The following DOCK5 variants were observed in gnomAD, a reference collection of about 807,000 sequenced individuals.
The protein encoded by DOCK5 is dedicator of cytokinesis 5, also known as dedicator of cytokinesis protein 5.
Under a neutral mutation model 251.8 loss-of-function variants are expected in DOCK5, and 142 were observed. That is an observed-to-expected ratio of 0.56 (90% CI 0.49 to 0.65). The LOEUF is 0.65. DOCK5 is among the 30% of genes least tolerant of loss of function. The pLI, the probability that DOCK5 is intolerant of heterozygous loss-of-function variation, is 0.00. For synonymous variants in DOCK5, 842 were observed against 835.5 expected (o/e 1.01, Z -0.13); for missense variants, 2,111 against 2,312.3 (o/e 0.91, Z 1.79).
At chr8:25,379,166 G>A (rs1174838501) in intron 38 of DOCK5, among the ~76,000 whole-genome samples, 1 of 152,162 alleles carries the variant, frequency 6.6e-6, no homozygotes, top group Non-Finnish European at 1.5e-5. Context: ...AGAAAACAAG[G>A]TTTGAGAGCA....
At position 25,395,573 on chromosome 8, in the gene DOCK5, G is replaced by A. The variant is rs200100381; in HGVS notation, c.4558G>A (p.Glu1520Lys). The A allele has an allele frequency of 3.1e-6, 5 of 1,613,160 alleles. No individual in the cohort carries two copies. The highest frequency in any genetic ancestry group is 1.7e-5 in the Admixed American group (1 of 59,788). The change falls in exon 45 of 52, where the codon GAA becomes AAA. Residue 1520 changes from glutamate to lysine, a missense_variant. By Grantham distance (56) the Glu-to-Lys change is moderately conservative. Coordinates refer to ENST00000276440, the MANE Select transcript of DOCK5 (RefSeq NM_024940.8). ...GATCAGTCCTCTGGAGAATGCCATC[G>A]AAACCATGGAGCTGACCAACGAGAG... is the stretch of plus-strand genomic sequence containing the variant. ...EEISPLENAI[E>K]TMELTNERIS...
At chr8:25,312,077 T>C (rs1002032711) in intron 13 of DOCK5, among the ~76,000 whole-genome samples, 2 of 152,210 alleles carry the variant, frequency 1.3e-5, no homozygotes, top group Admixed American at 1.3e-4. Flanking sequence ...AAAAATGTTA[T>C]AAAATGGAGA....
At chr8:25,361,729 G>T (rs781533426) in intron 28 of DOCK5, among the ~76,000 whole-genome samples, 1 of 152,138 alleles carries the variant, frequency 6.6e-6, no homozygotes, top group Non-Finnish European at 1.5e-5. Context: ...ATAAAACCAG[G>T]GGAGAATCCA....
At chr8:25,322,089 T>A (rs900034765) in intron 16 of DOCK5, among the ~76,000 whole-genome samples, 6 of 152,232 alleles carry the variant, frequency 3.9e-5, no homozygotes, top group African/African-American at 1.4e-4. Flanking sequence ...CTTATTCTCA[T>A]TTCGCACTGC....
intron 45 of DOCK5, among the ~76,000 whole-genome samples, chr8:25,398,389 T>G (rs1415669762): frequency 6.6e-6 from 1 of 152,254 alleles, no homozygotes; most frequent in Non-Finnish European, 1.5e-5. Flanking sequence ...TTGTCATGCT[T>G]CTTTTTCTGA....
intron 34 of DOCK5, among the ~76,000 whole-genome samples, chr8:25,370,923 G>A (rs953250596): frequency 1.3e-5 from 2 of 152,142 alleles, no homozygotes; most frequent in Non-Finnish European, 2.9e-5. Context: ...GGATTTACAG[G>A]CATGAGCCAC....
intron 1 of DOCK5, among the ~76,000 whole-genome samples, chr8:25,235,775 T>C (rs1802780392): frequency 6.6e-6 from 1 of 151,262 alleles, no homozygotes. Context: ...ATCTTTAAGA[T>C]AGAGATTTTT....
rs775211739 is a variant in DOCK5 at position 25,292,110 on chromosome 8, C to T, written c.408C>T (p.Leu136=). 1.9e-6 allele frequency: 3 copies of T among 1,589,254 alleles called. No homozygotes were observed. In the African/African-American group the frequency reaches 4.0e-5, roughly 21 times the overall value. The change falls in exon 6 of 52, where the codon CTC becomes CTT. Residue 136 remains leucine (L), a synonymous_variant. Coordinates refer to ENST00000276440, the MANE Select transcript of DOCK5 (RefSeq NM_024940.8). ...GGTCCCAGATCCTGTCTGGGACGCT[C>T]CCCAAGGATGAACTGGCAGAGCTCA... The part of the protein sequence containing the change: ...EWRSQILSGT[L]PKDELAELKK...
intron 5 of DOCK5, among the ~76,000 whole-genome samples, chr8:25,281,889 G>GAAAAAAAAAAA (rs57465549): frequency 7.9e-6 from 1 of 127,136 alleles, no homozygotes; most frequent in Non-Finnish European, 1.6e-5. Flanking sequence ...AAAAAAAAAA[G>GAAAAAAAAAAA]AAAAAAAAAA....
intron 36 of DOCK5, 87 bp downstream of exon 36, chr8:25,373,745 C>A: frequency 7.6e-7 from 1 of 1,317,872 alleles, no homozygotes; most frequent in Non-Finnish European, 1.1e-6. Flanking sequence ...TTCCCAACAC[C>A]GTGTTTGCTG....
intron 1 of DOCK5, among the ~76,000 whole-genome samples, chr8:25,215,262 G>A (rs1015391737): frequency 1.3e-5 from 2 of 152,126 alleles, no homozygotes; most frequent in African/African-American, 4.8e-5. Context: ...ATAGGCTAGG[G>A]TGACACTGCC....
At chr8:25,361,986 C>G in intron 28 of DOCK5, among the ~76,000 whole-genome samples, 1 of 152,202 alleles carries the variant, frequency 6.6e-6, no homozygotes, top group East Asian at 1.9e-4. Flanking sequence ...ATAAAAATGC[C>G]TTCAAAACAT....
intron 28 of DOCK5, among the ~76,000 whole-genome samples, chr8:25,360,152 C>T (rs138369546): frequency 1.1e-4 from 16 of 152,352 alleles, no homozygotes; most frequent in African/African-American, 3.8e-4. Context: ...ATGGCCAGTG[C>T]CCCCATGGAT....
In DOCK5 at chr8:25,412,291, T is replaced by C. The variant is rs1165209823; in HGVS notation, c.*993T>C. 1 of 152,164 alleles carries C rather than the reference T, an allele frequency of 6.6e-6. No individual in the cohort carries two copies. Among genetic ancestry groups the C allele is most frequent in the Non-Finnish European group, 1.5e-5 (1 of 68,034 alleles). 9.4% of individuals were successfully genotyped at this position (152,164 alleles called of 1,614,324 possible). The stretch of plus-strand genomic sequence containing the variant: ...CCTCTTGATTGTGGAATTAATTTGA[T>C]TGCTTGCTAATGGTACTAGTAGTAC... On this transcript the variant is annotated 3_prime_UTR_variant, in exon 52 of 52. Coordinates refer to ENST00000276440, the MANE Select transcript of DOCK5 (RefSeq NM_024940.8).
chr8:25,188,801 G>T (rs1801496662), intron 1 of DOCK5, among the ~76,000 whole-genome samples: 1 of 150,302 alleles, frequency 6.7e-6, no homozygotes, highest in Non-Finnish European at 1.5e-5. Context: ...TGGAAAATGT[G>T]CTTTTTTCTC....
At chr8:25,190,775 G>GATTTTTTTTTTTTTTTTT (rs755511798) in intron 1 of DOCK5, among the ~76,000 whole-genome samples, 3 of 53,980 alleles carry the variant, frequency 5.6e-5, no homozygotes, top group Non-Finnish European at 6.7e-5. Flanking sequence ...CTTGGTCATG[G>GATTTTTTTTTTTTTTTTT]GTTTTTTTTT....
intron 1 of DOCK5, among the ~76,000 whole-genome samples, chr8:25,190,775 G>GTTTATTTTTTTT (rs755511798): frequency 1.9e-5 from 1 of 53,980 alleles, no homozygotes. Flanking sequence ...CTTGGTCATG[G>GTTTATTTTTTTT]GTTTTTTTTT....
Position 25,364,618 on chromosome 8 carries a change from T to G in DOCK5, c.3045-8T>G. On this transcript the variant is annotated splice_region_variant and splice_polypyrimidine_tract_variant and intron_variant, in intron 29 of 51. Coordinates refer to ENST00000276440, the MANE Select transcript of DOCK5 (RefSeq NM_024940.8). Reference sequence around the variant, plus strand: ...TTGGCTTCTTTATCTGGTGTTTTCCTTCCGCAGGGTTTTTCTCCGTGCTAT... The same window carrying G: ...TTGGCTTCTTTATCTGGTGTTTTCCGTCCGCAGGGTTTTTCTCCGTGCTAT... The G allele has an allele frequency of 6.3e-7, 1 of 1,590,986 alleles. No homozygotes were observed. The highest frequency in any genetic ancestry group is 1.1e-5 in the South Asian group (1 of 87,920).
At chr8:25,344,172 G>A (rs1482543216) in intron 25 of DOCK5, among the ~76,000 whole-genome samples, 1 of 152,168 alleles carries the variant, frequency 6.6e-6, no homozygotes, top group African/African-American at 2.4e-5. Context: ...TGGGAGAGGA[G>A]TGGGGCATGG....
Sources: allele counts gnomAD v4.1 joint callset (sites outside exome capture counted in the v4.1 genomes callset), GRCh38; gene constraint gnomAD v4.1.1; transcripts MANE v1.5; gene names NCBI Gene and HGNC (gene_info 2026-07-23, HGNC 2026-07-21).